Variants in ADGRB1 observed in about 807,000 individuals in gnomAD.
ADGRB1 encodes the protein brain-specific angiogenesis inhibitor 1.
A neutral mutation model predicts 175.7 loss-of-function variants in ADGRB1; 36 were observed. That is an observed-to-expected ratio of 0.20 (90% CI 0.16 to 0.27). The LOEUF is 0.27. ADGRB1 is among the 10% of genes least tolerant of loss of function. ADGRB1 has a pLI of 1.00. For missense variants in ADGRB1, 1,731 were observed against 2,255.3 expected (o/e 0.77, Z 4.71); for synonymous variants, 1,054 against 979.4 (o/e 1.08, Z -1.42).
chr8:142,526,697 G>C, intron 24 of ADGRB1, 70 bp downstream of exon 24: 1 of 1,424,240 alleles, frequency 7.0e-7, no homozygotes, highest in South Asian at 1.2e-5. Flanking sequence ...AGCCCCGGGG[G>C]ATGGAGAACG....
At chr8:142,526,394 C>G (rs1010635221) in intron 23 of ADGRB1, 148 bp from the exon 24 acceptor site, 2 of 710,972 alleles carry the variant, frequency 2.8e-6, no homozygotes, top group Middle Eastern at 3.8e-4. Context: ...CCATCAGGCA[C>G]TGGGGTTCCT....
At chr8:142,501,301 G>T (rs1842515165) in intron 17 of ADGRB1, among the ~76,000 whole-genome samples, 1 of 144,814 alleles carries the variant, frequency 6.9e-6, no homozygotes, top group African/African-American at 2.5e-5. Flanking sequence ...TGGTAGTGAT[G>T]CAGTCATCAC....
chr8:142,520,990 G>T (rs903175458), intron 20 of ADGRB1, 65 bp downstream of exon 20: 2 of 1,488,018 alleles, frequency 1.3e-6, no homozygotes, highest in African/African-American at 2.8e-5. Flanking sequence ...TGGACCCCAG[G>T]AGGGGCCTGG....
intron 2 of ADGRB1, 113 bp from the exon 3 acceptor site, chr8:142,475,361 G>T: frequency 9.0e-7 from 1 of 1,106,220 alleles, no homozygotes; most frequent in Non-Finnish European, 1.1e-6. Flanking sequence ...CCCCGGCACT[G>T]CGGCCCCTCC....
intron 2 of ADGRB1, among the ~76,000 whole-genome samples, chr8:142,468,370 A>G (rs1045523827): frequency 2.6e-5 from 4 of 152,180 alleles, no homozygotes; most frequent in African/African-American, 9.7e-5. Context: ...TCTTGTGGAA[A>G]GACGGCTAGA....
intron 27 of ADGRB1, among the ~76,000 whole-genome samples, chr8:142,540,644 C>A (rs1043426939): frequency 6.6e-6 from 1 of 152,140 alleles, no homozygotes; most frequent in African/African-American, 2.4e-5. Flanking sequence ...ACGTGCCAGG[C>A]GCTCGTTCTG....
intron 2 of ADGRB1, among the ~76,000 whole-genome samples, chr8:142,469,562 AATGTGTGTGC>A (rs1197558893): frequency 9.4e-5 from 10 of 106,536 alleles, no homozygotes; most frequent in Non-Finnish European, 1.4e-4. Flanking sequence ...CATGTGTGTG[AATGTGTGTGC>A]ATGTGTGCAT....
intron 2 of ADGRB1, among the ~76,000 whole-genome samples, chr8:142,470,992 GGA>G (rs1840632186): frequency 6.6e-6 from 1 of 152,190 alleles, no homozygotes; most frequent in Non-Finnish European, 1.5e-5. Flanking sequence ...GCTGGAATTT[GGA>G]GAGGAGTCAG....
At chr8:142,526,712 A>C (rs188095712) in intron 24 of ADGRB1, 85 bp downstream of exon 24, 2 of 1,342,454 alleles carry the variant, frequency 1.5e-6, no homozygotes, top group Non-Finnish European at 2.1e-6. Context: ...AGAACGCTCC[A>C]TGCCCAATCT....
At chr8:142,459,087 C>T (rs937979144) in intron 1 of ADGRB1, among the ~76,000 whole-genome samples, 2 of 152,244 alleles carry the variant, frequency 1.3e-5, no homozygotes, top group Non-Finnish European at 2.9e-5. Context: ...CCGGGATGCC[C>T]GGAGCTTTCT....
intron 15 of ADGRB1, 108 bp downstream of exon 15, chr8:142,489,218 A>G: frequency 6.5e-7 from 1 of 1,544,934 alleles, no homozygotes; most frequent in Admixed American, 1.8e-5. Flanking sequence ...AGGAGTGTGG[A>G]TGATGGGCTG....
At chr8:142,499,043 G>A (rs1163018976) in intron 17 of ADGRB1, among the ~76,000 whole-genome samples, 1 of 152,182 alleles carries the variant, frequency 6.6e-6, no homozygotes, top group African/African-American at 2.4e-5. Flanking sequence ...TTTCCTGGTG[G>A]GCAGTGCTAT....
intron 27 of ADGRB1, among the ~76,000 whole-genome samples, chr8:142,540,896 G>A (rs889244534): frequency 6.6e-6 from 1 of 152,058 alleles, no homozygotes. Flanking sequence ...CGGGAGCATG[G>A]CCTGCTGAGC....
At position 142,481,562 on chromosome 8, in the gene ADGRB1, G is replaced by A; in HGVS notation, c.1981G>A (p.Gly661Arg). Reference protein sequence around the residue: ...AKAQRGLPGEGVSEVIQTLVE... With the variant: ...AKAQRGLPGERVSEVIQTLVE... ...GGCTCAGCGAGGGCTGCCTGGGGAG[G>A]GGGTCTCGGAGGTCATCCAGACACT... The change falls in exon 11 of 31, where the codon GGG (glycine) becomes AGG (arginine). Residue 661 changes from glycine (G) to arginine (R), a missense_variant. Physicochemically the swap from Gly to Arg is moderately radical, Grantham distance 125. This residue lies in a region of ADGRB1 where 388 missense variants were observed against 630.9 expected (regional missense o/e 0.61). Transcript: ENST00000517894. 1.3e-6 allele frequency: 2 copies of A among 1,598,354 alleles called. No homozygotes were observed. The highest frequency in any genetic ancestry group is 2.3e-5 in the East Asian group (1 of 44,342).
intron 17 of ADGRB1, among the ~76,000 whole-genome samples, chr8:142,494,936 C>T (rs1842143602): frequency 6.6e-6 from 1 of 152,082 alleles, no homozygotes; most frequent in African/African-American, 2.4e-5. Flanking sequence ...ACTGCCCCTA[C>T]CGTAGCCCAT....
At chr8:142,452,879 A>G (rs1839438778) in intron 1 of ADGRB1, among the ~76,000 whole-genome samples, 1 of 149,484 alleles carries the variant, frequency 6.7e-6, no homozygotes, top group Non-Finnish European at 1.5e-5. Flanking sequence ...GCAGTGGCGG[A>G]AGGCGGAGGG....
intron 18 of ADGRB1, among the ~76,000 whole-genome samples, chr8:142,516,066 G>A (rs556936240): frequency 1.4e-4 from 21 of 152,344 alleles, no homozygotes; most frequent in African/African-American, 2.2e-4. Context: ...AGCTGGAGCC[G>A]TGGCACCTGG....
Position 142,542,605 on chromosome 8 carries a change from C to A in ADGRB1, c.4371C>A (p.Thr1457=). The change falls in exon 28 of 31, where the codon ACC becomes ACA. Residue 1457 remains threonine, a synonymous_variant. Transcript: ENST00000517894. This position sits in a 1 kb window ranked among gnomAD's most constrained non-coding sequence, Gnocchi z 6.3. ...AHPGPSTGPS[T]KNENVATLSV... is the part of the protein sequence containing the mutation. ...CGGGACCCAGCACGGGGCCCAGCACCAAGAACGAGAATGTCGCCACCTTGT... is the reference window on the plus strand; with the variant it reads ...CGGGACCCAGCACGGGGCCCAGCACAAAGAACGAGAATGTCGCCACCTTGT... 1 of 1,550,644 alleles carries A rather than the reference C, an allele frequency of 6.4e-7. No homozygotes were observed. The highest frequency in any genetic ancestry group is 8.7e-7 in the Non-Finnish European group (1 of 1,148,224).
intron 2 of ADGRB1, 46 bp from the exon 3 acceptor site, chr8:142,475,428 C>G (rs1031655915): frequency 7.9e-7 from 1 of 1,260,262 alleles, no homozygotes; most frequent in East Asian, 3.0e-5. Context: ...GTCCAGGCCA[C>G]GAGCCCCTGC....
Sources: gnomAD v4.1 joint callset for allele counts (sites outside exome capture counted in the v4.1 genomes callset) on GRCh38, gnomAD v4.1.1 for gene constraint, gnomAD v4.1.1 regional missense constraint, Gnocchi (gnomAD v3.1) non-coding constraint, MANE v1.5 for transcripts, NCBI Gene and HGNC (gene_info 2026-07-23, HGNC 2026-07-21) for gene names.